CFAP299: variants seen among roughly 807,000 people sequenced by gnomAD.
The protein encoded by CFAP299 is cilia and flagella associated protein 299.
CFAP299 carries 21 observed loss-of-function variants against 27.0 expected under a neutral mutation model. The observed-to-expected ratio is 0.78, with a 90% confidence interval of 0.55 to 1.12. The LOEUF (loss-of-function observed/expected upper bound fraction) is 1.12. Ranked by LOEUF, CFAP299 falls within the 50% of genes most tolerant of loss-of-function variation. CFAP299 has a pLI of 0.00. For missense variants in CFAP299, 310 were observed against 276.6 expected (o/e 1.12, Z -0.86); for synonymous variants, 104 against 98.1 (o/e 1.06, Z -0.36).
rs1390443203 is a variant in CFAP299, at chr4:80,335,952, G to C, written c.111+73G>C. 4.0e-5 allele frequency: 39 copies of C among 963,246 alleles called. No homozygotes were observed. In the South Asian group the frequency reaches 5.0e-4, roughly 12 times the overall value. 59.7% of individuals were successfully genotyped at this position (963,246 alleles called of 1,614,324 possible). ...CCCTCCTCGAGTTCCCGCTTCGTGG[G>C]CTGGTCGCCCCCTGGCGCTGGACAG... is the stretch of plus-strand genomic sequence containing the variant. On this transcript the variant is annotated intron_variant, in intron 1 of 5. Transcript: ENST00000358105.
chr4:80,859,817 G>A (rs1291676475), intron 3 of CFAP299, among the ~76,000 whole-genome samples: 5 of 152,058 alleles, frequency 3.3e-5, no homozygotes, highest in Non-Finnish European at 4.4e-5. Context: ...TGGGTAACCC[G>A]ACCTTTCTCT....
intron 2 of CFAP299, among the ~76,000 whole-genome samples, chr4:80,367,507 C>CT: frequency 6.6e-6 from 1 of 152,114 alleles, no homozygotes; most frequent in South Asian, 2.1e-4. Flanking sequence ...CACTAAGGCC[C>CT]TTTTTTCTCC....
At chr4:80,430,048 A>AAATCT in intron 2 of CFAP299, among the ~76,000 whole-genome samples, 1 of 152,238 alleles carries the variant, frequency 6.6e-6, no homozygotes, top group Non-Finnish European at 1.5e-5. Flanking sequence ...CTACATTTTT[A>AAATCT]AATCTAATAA....
chr4:80,612,010 G>A (rs1196424562), intron 3 of CFAP299, among the ~76,000 whole-genome samples: 3 of 151,980 alleles, frequency 2.0e-5, no homozygotes, highest in Admixed American at 6.6e-5. Flanking sequence ...ACAAATCGTC[G>A]ATGATGGTCA....
intron 1 of CFAP299, among the ~76,000 whole-genome samples, chr4:80,338,431 T>A (rs1423173609): frequency 6.6e-6 from 1 of 152,166 alleles, no homozygotes; most frequent in Non-Finnish European, 1.5e-5. Flanking sequence ...AAATTAGAGG[T>A]AGCATGTTTA....
intron 3 of CFAP299, among the ~76,000 whole-genome samples, chr4:80,734,119 A>C (rs141692083): frequency 2.9e-4 from 44 of 152,188 alleles, no homozygotes; most frequent in Admixed American, 5.9e-4. Context: ...CCACATCCTC[A>C]CCAGCATTTC....
At chr4:80,342,579 A>G (rs1255971628) in intron 1 of CFAP299, among the ~76,000 whole-genome samples, 1 of 152,236 alleles carries the variant, frequency 6.6e-6, no homozygotes, top group Non-Finnish European at 1.5e-5. Flanking sequence ...AAGCTTCATT[A>G]GCACAGGAGA....
chr4:80,709,328 A>T (rs1004387695), intron 3 of CFAP299, among the ~76,000 whole-genome samples: 2 of 152,190 alleles, frequency 1.3e-5, no homozygotes, highest in African/African-American at 4.8e-5. Context: ...AAGTATAAAG[A>T]CAAAAAAAAT....
chr4:80,504,501 A>ATT (rs1246301788), intron 2 of CFAP299, among the ~76,000 whole-genome samples: 1 of 121,514 alleles, frequency 8.2e-6, no homozygotes, highest in Non-Finnish European at 1.7e-5. Context: ...ATATATATAT[A>ATT]TATATTTTCC....
intron 2 of CFAP299, among the ~76,000 whole-genome samples, chr4:80,383,255 T>C (rs1312308499): frequency 8.5e-5 from 13 of 152,054 alleles, no homozygotes; most frequent in Non-Finnish European, 1.9e-4. Context: ...AGTACCTGGG[T>C]GACAGAATAA....
intron 2 of CFAP299, among the ~76,000 whole-genome samples, chr4:80,449,772 G>T (rs1350001016): frequency 6.6e-6 from 1 of 151,724 alleles, no homozygotes; most frequent in Admixed American, 6.6e-5. Context: ...AACACTTTAA[G>T]AAATTAATTT....
intron 3 of CFAP299, among the ~76,000 whole-genome samples, chr4:80,771,997 T>G (rs980859119): frequency 1.3e-5 from 2 of 152,194 alleles, no homozygotes; most frequent in Non-Finnish European, 2.9e-5. Flanking sequence ...CCACTAGCCA[T>G]GACTGCCACG....
intron 2 of CFAP299, among the ~76,000 whole-genome samples, chr4:80,528,471 C>A (rs917568098): frequency 2.0e-5 from 3 of 152,112 alleles, no homozygotes; most frequent in African/African-American, 7.2e-5. Context: ...TAGTTTGAGG[C>A]AGTAATTCTC....
At chr4:80,444,669 A>G (rs1356091604) in intron 2 of CFAP299, among the ~76,000 whole-genome samples, 1 of 152,182 alleles carries the variant, frequency 6.6e-6, no homozygotes. Flanking sequence ...AAAAGCCAAA[A>G]TTGACAAATG....
chr4:80,818,618 A>G (rs542457043), intron 3 of CFAP299, among the ~76,000 whole-genome samples: 2 of 152,280 alleles, frequency 1.3e-5, no homozygotes, highest in East Asian at 1.9e-4. Flanking sequence ...ACATACAAAA[A>G]GTCATCAAAC....
chr4:80,552,976 C>T (rs1038861066), intron 2 of CFAP299, among the ~76,000 whole-genome samples: 3 of 151,560 alleles, frequency 2.0e-5, no homozygotes, highest in East Asian at 1.9e-4. Flanking sequence ...ACATTGGCCA[C>T]TGCACATAGC....
chr4:80,627,702 A>G (rs1395331954), intron 3 of CFAP299, among the ~76,000 whole-genome samples: 1 of 152,048 alleles, frequency 6.6e-6, no homozygotes, highest in Non-Finnish European at 1.5e-5. Context: ...ACTAATAGCA[A>G]GCTATCTGAA....
intron 3 of CFAP299, among the ~76,000 whole-genome samples, chr4:80,825,048 G>T (rs534793502): frequency 6.6e-6 from 1 of 151,976 alleles, no homozygotes; most frequent in East Asian, 1.9e-4. Flanking sequence ...ATATAAAAAT[G>T]TATATATCAA....
chr4:80,387,921 G>A, intron 2 of CFAP299: 1 of 859,494 alleles, frequency 1.2e-6, no homozygotes, highest in Non-Finnish European at 2.0e-6. Context: ...TGGTCATGGG[G>A]CAGCAGGGTT....
Sources: gnomAD v4.1 joint callset for allele counts (sites outside exome capture counted in the v4.1 genomes callset) on GRCh38, gnomAD v4.1.1 for gene constraint, MANE v1.5 for transcripts, NCBI Gene and HGNC (gene_info 2026-07-23, HGNC 2026-07-21) for gene names.